Variants in KALRN observed in about 807,000 individuals in gnomAD.
The protein encoded by KALRN is kalirin RhoGEF kinase.
Under a neutral mutation model 353.7 loss-of-function variants are expected in KALRN, and 70 were observed. The observed-to-expected ratio is 0.20, with a 90% CI of 0.16 to 0.24. The LOEUF (loss-of-function observed/expected upper bound fraction) is 0.24. Ranked by LOEUF, KALRN falls within the 10% of genes least tolerant of loss-of-function variation. The pLI is 1.00. For synonymous variants in KALRN, 1,391 were observed against 1,434.8 expected (o/e 0.97, Z 0.69); for missense variants, 2,791 against 3,756.7 (o/e 0.74, Z 6.72).
chr3:124,380,076 C>T (rs1250345218), intron 10 of KALRN, among the ~76,000 whole-genome samples: 4 of 152,170 alleles, frequency 2.6e-5, no homozygotes, highest in Non-Finnish European at 5.9e-5. Flanking sequence ...GGGTGACTTT[C>T]AGGCCTCATC....
chr3:124,549,337 ACACACACACACATAAT>A (rs2070146652), intron 33 of KALRN, among the ~76,000 whole-genome samples: 5 of 147,056 alleles, frequency 3.4e-5, no homozygotes, highest in African/African-American at 1.0e-4. Flanking sequence ...ACACACACAC[ACACACACACACATAAT>A]CACACACACA....
At chr3:124,630,838 AC>A (rs2080690374) in intron 34 of KALRN, among the ~76,000 whole-genome samples, 1 of 152,220 alleles carries the variant, frequency 6.6e-6, no homozygotes, top group Admixed American at 6.5e-5. Flanking sequence ...AAAAAACAAA[AC>A]AAAACAAAAC....
chr3:124,288,593 T>G (rs201511294), intron 5 of KALRN, among the ~76,000 whole-genome samples: 2 of 133,074 alleles, frequency 1.5e-5, no homozygotes, highest in Non-Finnish European at 1.5e-5. Context: ...GTATCAGCAA[T>G]AGTAGGGGTT....
At chr3:124,499,225 C>G (rs2064230617) in intron 33 of KALRN, among the ~76,000 whole-genome samples, 1 of 152,162 alleles carries the variant, frequency 6.6e-6, no homozygotes, top group South Asian at 2.1e-4. Flanking sequence ...AGGATCTCCT[C>G]CAACCACTCC....
chr3:124,644,706 T>A (rs1418133745), intron 37 of KALRN, among the ~76,000 whole-genome samples: 1 of 152,242 alleles, frequency 6.6e-6, no homozygotes, highest in Admixed American at 6.5e-5. Flanking sequence ...TGTGCCACAT[T>A]TTCTTTATCC....
chr3:124,662,711 A>G (rs1259926794), intron 45 of KALRN, among the ~76,000 whole-genome samples: 1 of 152,258 alleles, frequency 6.6e-6, no homozygotes, highest in Non-Finnish European at 1.5e-5. Flanking sequence ...AAGTGAACAT[A>G]CAAGTTTACT....
intron 1 of KALRN, chr3:124,095,007 G>T (rs1324443398): frequency 2.8e-6 from 3 of 1,081,120 alleles, no homozygotes; most frequent in Non-Finnish European, 4.2e-6. Flanking sequence ...GGGGAGGGGG[G>T]TCAAGAAGAG....
At chr3:124,120,066 G>A (rs1348098519) in intron 1 of KALRN, among the ~76,000 whole-genome samples, 2 of 152,168 alleles carry the variant, frequency 1.3e-5, no homozygotes, top group Non-Finnish European at 2.9e-5. Context: ...GACTTTCTTA[G>A]TTGTGGCTTA....
chr3:124,693,410 T>C (rs1362500572), intron 51 of KALRN, among the ~76,000 whole-genome samples: 1 of 152,124 alleles, frequency 6.6e-6, no homozygotes, highest in African/African-American at 2.4e-5. Flanking sequence ...GAGTTTATGA[T>C]GCTAGGAAGA....
intron 1 of KALRN, among the ~76,000 whole-genome samples, chr3:124,128,180 G>A (rs2064896216): frequency 1.3e-5 from 2 of 152,288 alleles, no homozygotes; most frequent in East Asian, 3.9e-4. Flanking sequence ...ACTTACTGAT[G>A]TGTCACACTA....
In KALRN at chr3:124,334,227, C is replaced by T; in HGVS notation, c.1417-38C>T. On this transcript the variant is annotated intron_variant, in intron 8 of 59. Coordinates refer to ENST00000682506, the MANE Select transcript of KALRN (RefSeq NM_001388419.1). This position sits in a 1 kb window ranked among gnomAD's most constrained non-coding sequence, Gnocchi z 4.2. The stretch of plus-strand genomic sequence containing the variant: ...GCTTCTCTCTGTGCCCTGCCTATCA[C>T]CCTTTTCCCTTAACTTAAACTTCTC... 1 of 1,555,838 alleles carries T rather than the reference C, an allele frequency of 6.4e-7. No individual in the cohort carries two copies. Among genetic ancestry groups the T allele is most frequent in the South Asian group, 1.1e-5 (1 of 89,910 alleles).
intron 11 of KALRN, among the ~76,000 whole-genome samples, chr3:124,393,578 C>T (rs1036047749): frequency 1.1e-4 from 17 of 152,098 alleles, no homozygotes; most frequent in Non-Finnish European, 2.4e-4. Context: ...GTGAGGGATG[C>T]TGAATAATAA....
At chr3:124,196,868 C>T (rs2075486558) in intron 1 of KALRN, among the ~76,000 whole-genome samples, 1 of 151,992 alleles carries the variant, frequency 6.6e-6, no homozygotes, top group South Asian at 2.1e-4. Flanking sequence ...TATATCAAGC[C>T]CTGTACTAAG....
At chr3:124,193,712 G>A (rs2075158646) in intron 1 of KALRN, among the ~76,000 whole-genome samples, 1 of 151,848 alleles carries the variant, frequency 6.6e-6, no homozygotes, top group Non-Finnish European at 1.5e-5. Flanking sequence ...TGCCAGTGAT[G>A]ACCCCTCTTT....
intron 2 of KALRN, among the ~76,000 whole-genome samples, chr3:124,230,825 AAAAC>A (rs1487154268): frequency 2.0e-5 from 3 of 148,126 alleles, no homozygotes; most frequent in Non-Finnish European, 1.5e-5. Context: ...GCAAAAAACA[AAAAC>A]AAAACAAAAC....
chr3:124,130,608 A>G (rs1046025469), intron 1 of KALRN, among the ~76,000 whole-genome samples: 3 of 152,176 alleles, frequency 2.0e-5, no homozygotes, highest in African/African-American at 7.2e-5. Flanking sequence ...CCATGAACCC[A>G]TAATTCTACA....
At chr3:124,190,031 A>G (rs2150301651) in intron 1 of KALRN, among the ~76,000 whole-genome samples, 1 of 152,274 alleles carries the variant, frequency 6.6e-6, no homozygotes, top group East Asian at 1.9e-4. Context: ...ACCAAGCGAC[A>G]ATTATTTCTC....
chr3:124,317,974 C>T (rs923058948), intron 6 of KALRN, among the ~76,000 whole-genome samples: 1 of 152,042 alleles, frequency 6.6e-6, no homozygotes, highest in African/African-American at 2.4e-5. Context: ...AAAACATTTA[C>T]CCTGCCCAAG....
At chr3:124,454,032 C>T (rs1241018122) in intron 21 of KALRN, among the ~76,000 whole-genome samples, 1 of 152,170 alleles carries the variant, frequency 6.6e-6, no homozygotes, top group Non-Finnish European at 1.5e-5. Context: ...AGGTATTGAA[C>T]AAACTCTTGC....
Sources: gnomAD v4.1 joint callset for allele counts (sites outside exome capture counted in the v4.1 genomes callset) on GRCh38, gnomAD v4.1.1 for gene constraint, Gnocchi (gnomAD v3.1) non-coding constraint, MANE v1.5 for transcripts, NCBI Gene and HGNC (gene_info 2026-07-23, HGNC 2026-07-21) for gene names.